SYTL2: variants seen among roughly 807,000 people sequenced by gnomAD.
SYTL2 encodes the protein synaptotagmin-like protein 2.
A neutral mutation model predicts 198.7 loss-of-function variants in SYTL2; 165 were observed. The observed-to-expected ratio is 0.83, with a 90% CI of 0.73 to 0.94. SYTL2 has a LOEUF of 0.94. SYTL2 is among the 40% of genes least tolerant of loss of function. The pLI, the probability that SYTL2 is intolerant of heterozygous loss-of-function variation, is 0.00. For missense variants in SYTL2, 2,835 were observed against 2,582.8 expected (o/e 1.10, Z -2.12); for synonymous variants, 966 against 917.7 (o/e 1.05, Z -0.95).
At chr11:85,782,966 T>A (rs1212469111) in intron 1 of SYTL2, among the ~76,000 whole-genome samples, 3 of 152,198 alleles carry the variant, frequency 2.0e-5, no homozygotes, top group Non-Finnish European at 4.4e-5. Context: ...CCTTTCTTCT[T>A]CAGAGCCCTC....
chr11:85,838,693 AT>A, the SYTL2 span, among the ~76,000 whole-genome samples: 1 of 152,164 alleles, frequency 6.6e-6, no homozygotes, highest in Non-Finnish European at 1.5e-5. Flanking sequence ...GCCATGAGGG[AT>A]TCACCCCCGT....
At chr11:85,743,142 G>C (rs1021097896) in intron 4 of SYTL2, among the ~76,000 whole-genome samples, 1 of 152,144 alleles carries the variant, frequency 6.6e-6, no homozygotes, top group Non-Finnish European at 1.5e-5. Context: ...CTGACTCCTG[G>C]CTAAGGAAAT....
chr11:85,748,523 T>G, intron 2 of SYTL2, 100 bp from the exon 3 acceptor site: 1 of 1,286,656 alleles, frequency 7.8e-7, no homozygotes, highest in Non-Finnish European at 1.1e-6. Context: ...ACAGATAAAA[T>G]GAAGCTTTAA....
At chr11:85,737,753 G>A in intron 4 of SYTL2, 97 bp from the exon 5 acceptor site, 1 of 939,868 alleles carries the variant, frequency 1.1e-6, no homozygotes, top group Admixed American at 2.2e-5. Flanking sequence ...GGCTAGGAGA[G>A]GAAGCTGGTG....
At chr11:85,766,279 A>C (rs745446651) in intron 1 of SYTL2, among the ~76,000 whole-genome samples, 1 of 152,172 alleles carries the variant, frequency 6.6e-6, no homozygotes, top group Non-Finnish European at 1.5e-5. Flanking sequence ...CCATCCTTTT[A>C]ATCTATATTT....
At chr11:85,848,836 G>C in the SYTL2 span, among the ~76,000 whole-genome samples, 1 of 152,158 alleles carries the variant, frequency 6.6e-6, no homozygotes, top group Admixed American at 6.5e-5. Flanking sequence ...TTATATCTGA[G>C]AAAACAAAGA....
intron 7 of SYTL2, among the ~76,000 whole-genome samples, chr11:85,728,631 G>T (rs2089488608): frequency 6.6e-6 from 1 of 151,990 alleles, no homozygotes; most frequent in Non-Finnish European, 1.5e-5. Flanking sequence ...TTAAATCTTT[G>T]TATAAAACTG....
At chr11:85,753,782 A>AAT (rs2091695474) in intron 2 of SYTL2, among the ~76,000 whole-genome samples, 1 of 151,678 alleles carries the variant, frequency 6.6e-6, no homozygotes, top group Non-Finnish European at 1.5e-5. Context: ...AAAAAAAAAA[A>AAT]AAAAAAAGAT....
intron 2 of SYTL2, among the ~76,000 whole-genome samples, chr11:85,753,765 TTA>T (rs149710663): frequency 0.45 from 45,869 of 101,864 alleles, 9,690 homozygotes; most frequent in East Asian, 0.6. Context: ...ACTCTCTTTT[TTA>T]AAAAAAAAAA....
Position 85,704,935 on chromosome 11 carries a change from C to T in SYTL2, c.6112G>A (p.Val2038Met). 1.9e-6 allele frequency: 3 copies of T among 1,613,674 alleles called. No homozygotes were observed. Among genetic ancestry groups the T allele is most frequent in the Non-Finnish European group, 8.5e-7 (1 of 1,179,660 alleles). Residue 2038 changes from valine to methionine, a missense_variant, in exon 16 of 20, where the codon GTG becomes ATG. This residue lies in a region of SYTL2 where 2,645 missense variants were observed against 2,381.7 expected (regional missense o/e 1.11). Transcript: ENST00000359152. ...TFKRNSFLGE[V>M]ELDLETWDWD... ...TCCCATGTTTCCAAATCAAGTTCCA[C>T]CTCCCCTAGGAAACTATTGCGCTTA...
At chr11:85,799,873 T>G (rs954732026) in intron 1 of SYTL2, among the ~76,000 whole-genome samples, 3 of 152,206 alleles carry the variant, frequency 2.0e-5, no homozygotes, top group Non-Finnish European at 2.9e-5. Flanking sequence ...TAGAAAACAC[T>G]CAGTGAGTAT....
At chr11:85,717,831 T>C (rs2087611468) in intron 10 of SYTL2, 1 of 432,216 alleles carries the variant, frequency 2.3e-6, no homozygotes, top group Non-Finnish European at 4.5e-6. Context: ...AAGCTGAGAT[T>C]CTATTTCCTG....
At chr11:85,824,645 C>T in the SYTL2 span, among the ~76,000 whole-genome samples, 1 of 152,148 alleles carries the variant, frequency 6.6e-6, no homozygotes, top group African/African-American at 2.4e-5. Flanking sequence ...ATAGTTGAGG[C>T]CATAGCAAAG....
At position 85,726,117 on chromosome 11, in the gene SYTL2, A is replaced by G; in HGVS notation, c.3241T>C (p.Leu1081=). ...TCCTTTGATGACTCATTTCCTGGCA[A>G]CTGATAAGTATACTTTCTAAGTGGA... ...LSPLRKYTYQ[L]PGNESSKENV... The change falls in exon 8 of 20, where the codon TTG becomes CTG. Residue 1081 remains leucine (L), a synonymous_variant. Coordinates refer to ENST00000359152, the MANE Select transcript of SYTL2 (RefSeq NM_206927.4). The G allele has an allele frequency of 1.2e-6, 2 of 1,614,010 alleles. No homozygotes were observed. The highest frequency in any genetic ancestry group is 1.7e-6 in the Non-Finnish European group (2 of 1,179,966).
At chr11:85,714,608 T>C (rs1168971270) in intron 11 of SYTL2, 101 bp from the exon 12 acceptor site, 1 of 1,483,034 alleles carries the variant, frequency 6.7e-7, no homozygotes, top group African/African-American at 1.4e-5. Context: ...TGAACAAACA[T>C]GTTTTTGTAA....
In SYTL2 at chr11:85,757,954, G is replaced by A. The variant is rs1195091066; in HGVS notation, c.-229C>T. 1.9e-6 allele frequency: 1 copy of A among 517,554 alleles called. No homozygotes were observed. The highest frequency in any genetic ancestry group is 3.4e-6 in the Non-Finnish European group (1 of 290,822). 32.1% of individuals were successfully genotyped at this position (517,554 alleles called of 1,614,324 possible). On this transcript the variant is annotated 5_prime_UTR_variant, in exon 2 of 20. Transcript: ENST00000359152. Reference sequence around the variant, plus strand: ...CTGGTCTGTGGGATAGTGTCGAGAAGAGGCTCTCAGAAGGATGCTGTATTC... The same window carrying A: ...CTGGTCTGTGGGATAGTGTCGAGAAAAGGCTCTCAGAAGGATGCTGTATTC...
intron 1 of SYTL2, among the ~76,000 whole-genome samples, chr11:85,792,639 T>G (rs2092746452): frequency 6.6e-6 from 1 of 151,808 alleles, no homozygotes; most frequent in Non-Finnish European, 1.5e-5. Context: ...AATTTTATTA[T>G]TATTATACTT....
chr11:85,837,867 C>T, the SYTL2 span, among the ~76,000 whole-genome samples: 2 of 151,340 alleles, frequency 1.3e-5, no homozygotes, highest in East Asian at 1.9e-4. Flanking sequence ...TTCCAAACCA[C>T]GCTTTCTCAA....
chr11:85,719,660 C>A (rs1359540860), intron 9 of SYTL2, among the ~76,000 whole-genome samples: 1 of 152,004 alleles, frequency 6.6e-6, no homozygotes, highest in East Asian at 1.9e-4. Context: ...AGAGAGAATT[C>A]CTGCATTGAG....
Sources: gnomAD v4.1 joint callset for allele counts (sites outside exome capture counted in the v4.1 genomes callset) on GRCh38, gnomAD v4.1.1 for gene constraint, gnomAD v4.1.1 regional missense constraint, MANE v1.5 for transcripts, NCBI Gene and HGNC (gene_info 2026-07-23, HGNC 2026-07-21) for gene names.